The following PRELID2 variants were observed in gnomAD, a reference collection of about 807,000 sequenced individuals.
PRELID2 encodes the protein PRELI domain containing 2, also known as PRELI domain-containing protein 2.
PRELID2 carries 25 observed loss-of-function variants against 28.4 expected under a neutral mutation model. The observed-to-expected ratio is 0.88, with a 90% CI of 0.64 to 1.23. The LOEUF (loss-of-function observed/expected upper bound fraction) is 1.23. PRELID2 is among the 50% of genes most tolerant of loss of function. The pLI is 0.00. For synonymous variants in PRELID2, 76 were observed against 71.6 expected, an observed-to-expected ratio of 1.06 and a Z score of -0.31; for missense variants, 201 against 214.4, an observed-to-expected ratio of 0.94 and a Z score of 0.39.
chr5:145,683,740 C>A (rs1164710909), intron 1 of PRELID2, among the ~76,000 whole-genome samples: 3 of 152,146 alleles, frequency 2.0e-5, no homozygotes, highest in African/African-American at 7.2e-5. Context: ...GGCTTCAACA[C>A]ATGAATTGTA....
intron 1 of PRELID2, among the ~76,000 whole-genome samples, chr5:145,694,804 A>G (rs951123649): frequency 6.6e-6 from 1 of 152,150 alleles, no homozygotes; most frequent in Non-Finnish European, 1.5e-5. Flanking sequence ...CCAAAGGAAA[A>G]AAAAAAAAGG....
chr5:145,790,891 G>GTATATGTATA (rs1752340773), intron 5 of PRELID2, among the ~76,000 whole-genome samples: 1 of 141,394 alleles, frequency 7.1e-6, no homozygotes, highest in South Asian at 2.3e-4. Flanking sequence ...TCACTTCTGG[G>GTATATGTATA]TATATATATA....
At chr5:145,615,205 G>T (rs1753676944) in intron 1 of PRELID2, among the ~76,000 whole-genome samples, 1 of 151,510 alleles carries the variant, frequency 6.6e-6, no homozygotes, top group Admixed American at 6.6e-5. Flanking sequence ...AGTTTGTTTT[G>T]TCTGATGTAA....
chr5:145,481,794 T>C (rs1752164989), intron 1 of PRELID2, among the ~76,000 whole-genome samples: 1 of 152,128 alleles, frequency 6.6e-6, no homozygotes, highest in Non-Finnish European at 1.5e-5. Context: ...TACAAAATAC[T>C]GTCTAGGAAA....
the PRELID2 span, among the ~76,000 whole-genome samples, chr5:145,308,757 A>G: frequency 6.6e-6 from 1 of 152,240 alleles, no homozygotes. Context: ...AACAAAAGCA[A>G]TGAATGGCAA....
intron 1 of PRELID2, among the ~76,000 whole-genome samples, chr5:145,570,767 C>T (rs551840159): frequency 1.8e-4 from 27 of 152,220 alleles, no homozygotes; most frequent in Admixed American, 1.3e-3. Flanking sequence ...CCCATTGTCC[C>T]CTAACTTATT....
At chr5:145,335,713 A>T in the PRELID2 span, among the ~76,000 whole-genome samples, 1 of 152,216 alleles carries the variant, frequency 6.6e-6, no homozygotes, top group Admixed American at 6.5e-5. Context: ...CTAAGAGGCA[A>T]GTTTAAGCCA....
chr5:145,731,471 T>C (rs189557285), intron 1 of PRELID2, among the ~76,000 whole-genome samples: 32 of 152,308 alleles, frequency 2.1e-4, no homozygotes, highest in African/African-American at 7.7e-4. Context: ...GAGTACGACA[T>C]GGGAAAAAGC....
intron 1 of PRELID2, among the ~76,000 whole-genome samples, chr5:145,638,248 A>G (rs1401482469): frequency 6.6e-6 from 1 of 152,156 alleles, no homozygotes; most frequent in African/African-American, 2.4e-5. Flanking sequence ...TGCCTAACTT[A>G]AGCTGTTCCA....
the PRELID2 span, among the ~76,000 whole-genome samples, chr5:145,408,387 A>G: frequency 1.7e-5 from 2 of 116,630 alleles, no homozygotes; most frequent in Non-Finnish European, 3.4e-5. Context: ...AAACCAACTT[A>G]AAGAAATTTA....
chr5:145,817,202 A>ATATATATATAT (rs1561643627), intron 4 of PRELID2, among the ~76,000 whole-genome samples: 70 of 51,230 alleles, frequency 1.4e-3, no homozygotes, highest in Admixed American at 4.0e-3. Flanking sequence ...AAAAAAAATA[A>ATATATATATAT]ATAAATAAAT....
the PRELID2 span, among the ~76,000 whole-genome samples, chr5:145,321,246 A>AT: frequency 1.7e-3 from 262 of 152,050 alleles, 2 homozygotes; most frequent in African/African-American, 5.3e-3. Context: ...TATTACATAC[A>AT]TTTTTTTTAC....
intron 1 of PRELID2, among the ~76,000 whole-genome samples, chr5:145,633,769 A>T (rs1159258700): frequency 1.3e-5 from 2 of 152,124 alleles, no homozygotes; most frequent in African/African-American, 2.4e-5. Context: ...CATTAGAGTA[A>T]ATGGGCATGG....
chr5:145,497,416 T>C (rs897621067), intron 1 of PRELID2, among the ~76,000 whole-genome samples: 7 of 152,162 alleles, frequency 4.6e-5, no homozygotes, highest in Non-Finnish European at 8.8e-5. Context: ...TCCTTCCCCC[T>C]TAACTACCCA....
At chr5:145,248,973 A>G in the PRELID2 span, among the ~76,000 whole-genome samples, 2 of 152,086 alleles carry the variant, frequency 1.3e-5, no homozygotes, top group African/African-American at 4.8e-5. Context: ...TGAGGCTATC[A>G]CGTGTTTCAC....
chr5:145,346,034 G>C, the PRELID2 span, among the ~76,000 whole-genome samples: 1 of 152,082 alleles, frequency 6.6e-6, no homozygotes, highest in African/African-American at 2.4e-5. Flanking sequence ...AACAGAGAAA[G>C]TTAAAGACCA....
Position 145,765,002 on chromosome 5 carries a change from T to C in PRELID2, c.475-2A>G. 2 of 1,593,542 alleles carry C rather than the reference T, an allele frequency of 1.3e-6. No homozygotes were observed. Among genetic ancestry groups the C allele is most frequent in the Non-Finnish European group, 8.5e-7 (1 of 1,171,112 alleles). ...CAGCATCTCCATGATTCTAATTCCC[T>C]ATAGAAAGAAGGAAAAAAAATTAAA... On this transcript the variant is annotated splice_acceptor_variant, in intron 5 of 6. Transcript: ENST00000683046. LOFTEE classifies it high-confidence loss of function.
chr5:145,600,313 T>C (rs1055921401), intron 1 of PRELID2, among the ~76,000 whole-genome samples: 6 of 151,632 alleles, frequency 4.0e-5, no homozygotes, highest in Non-Finnish European at 5.9e-5. Flanking sequence ...AAAATCTTTT[T>C]ATTGCATTGC....
chr5:145,564,709 T>C (rs945092814), intron 1 of PRELID2, among the ~76,000 whole-genome samples: 9 of 152,232 alleles, frequency 5.9e-5, no homozygotes, highest in African/African-American at 2.2e-4. Flanking sequence ...GAAACCCCAG[T>C]GCCCAGCATT....
Sources: gnomAD v4.1 joint callset for allele counts (sites outside exome capture counted in the v4.1 genomes callset) on GRCh38, gnomAD v4.1.1 for gene constraint, MANE v1.5 for transcripts, NCBI Gene and HGNC (gene_info 2026-07-23, HGNC 2026-07-21) for gene names.